Variants in SLC23A1 observed in about 807,000 individuals in gnomAD.
The protein encoded by SLC23A1 is Na(+)/L-ascorbic acid transporter 1.
A neutral mutation model predicts 62.5 loss-of-function variants in SLC23A1; 31 were observed. That is an observed-to-expected ratio of 0.50 (90% CI 0.37 to 0.67). The LOEUF (loss-of-function observed/expected upper bound fraction) is 0.67. Ranked by LOEUF, SLC23A1 falls within the 30% of genes least tolerant of loss-of-function variation. The pLI, the probability that SLC23A1 is intolerant of heterozygous loss-of-function variation, is 0.00. For missense variants in SLC23A1, 640 were observed against 782.7 expected, an observed-to-expected ratio of 0.82 and a Z score of 2.18; for synonymous variants, 271 against 313.2, an observed-to-expected ratio of 0.87 and a Z score of 1.42.
chr5:139,372,035 C>T lies in SLC23A1; in HGVS notation c.1768G>A (p.Glu590Lys), dbSNP rs1435270827. ...AIPEDTPENT[E>K]TASVCTKV ...ACCTTGGTGCACACAGATGCAGTTT[C>T]TGTATTTTCTGGAGTGTCTTCTGGA... Residue 590 changes from glutamate (E) to lysine (K), a missense_variant, in exon 14 of 15, where the codon GAA (glutamate) becomes AAA (lysine). Coordinates refer to ENST00000348729, the MANE Select transcript of SLC23A1 (RefSeq NM_005847.5). The T allele has an allele frequency of 6.2e-7, 1 of 1,613,844 alleles. No individual in the cohort carries two copies. The highest frequency in any genetic ancestry group is 1.1e-5 in the South Asian group (1 of 91,074).
upstream of SLC23A1, chr5:139,384,570 C>G (rs569763735): frequency 4.2e-5 from 54 of 1,284,168 alleles, no homozygotes; most frequent in East Asian, 2.9e-3. Context: ...TCTGCAACTC[C>G]CCAGCACTTT....
intron 14 of SLC23A1, chr5:139,368,797 G>T (rs772360139): frequency 6.2e-7 from 1 of 1,607,600 alleles, no homozygotes; most frequent in South Asian, 1.1e-5. Flanking sequence ...GGAAATATTT[G>T]AGTAGACGGG....
intron 13 of SLC23A1, among the ~76,000 whole-genome samples, chr5:139,374,087 A>T (rs1365101785): frequency 6.6e-6 from 1 of 152,128 alleles, no homozygotes; most frequent in Non-Finnish European, 1.5e-5. Context: ...TGCTTGCTTA[A>T]ATCTAGTTTT....
intron 13 of SLC23A1, among the ~76,000 whole-genome samples, chr5:139,375,857 G>T (rs1463205301): frequency 2.0e-5 from 3 of 150,280 alleles, no homozygotes; most frequent in Non-Finnish European, 4.4e-5. Flanking sequence ...ATTGAGGACA[G>T]GTGTGGTGGC....
At chr5:139,383,318 G>A (rs930267559), upstream of SLC23A1, 12 of 1,592,868 alleles carry the variant, frequency 7.5e-6, no homozygotes, top group Middle Eastern at 1.7e-4. Context: ...AGGCCAAGGA[G>A]GAGGACTTTA....
rs1440572951 is a variant in SLC23A1, at chr5:139,381,891, C to T, written c.308+1G>A. ...ACGGGTTGGGGGGCTGGGCGGCTCACCGGATGCCCACGGTGGTCTGGATGA... is the reference window on the plus strand; with the variant it reads ...ACGGGTTGGGGGGCTGGGCGGCTCATCGGATGCCCACGGTGGTCTGGATGA... On this transcript the variant is annotated splice_donor_variant, in intron 3 of 14. Coordinates refer to ENST00000348729, the MANE Select transcript of SLC23A1 (RefSeq NM_005847.5). LOFTEE classifies it high-confidence loss of function. The T allele has an allele frequency of 6.4e-7, 1 of 1,554,210 alleles. No homozygotes were observed. The highest frequency in any genetic ancestry group is 8.7e-7 in the Non-Finnish European group (1 of 1,149,540).
At chr5:139,368,778 G>A (rs904036323) in intron 14 of SLC23A1, 16 of 1,613,076 alleles carry the variant, frequency 9.9e-6, no homozygotes, top group African/African-American at 1.3e-5. Flanking sequence ...TGTTCCTGGG[G>A]TGAAGTACGG....
In SLC23A1 at chr5:139,372,061, A is replaced by G. The variant is rs1327281767; in HGVS notation, c.1742T>C (p.Ile581Thr). The change falls in exon 14 of 15, where the codon ATT (isoleucine) becomes ACT (threonine). Residue 581 changes from isoleucine to threonine, a missense_variant. By Grantham distance (89) the Ile-to-Thr change is moderately conservative (BLOSUM62 -1). Coordinates refer to ENST00000348729, the MANE Select transcript of SLC23A1 (RefSeq NM_005847.5). ...TGTATTTTCTGGAGTGTCTTCTGGA[A>G]TTGCAATCTGATCTTTTGAACTTGA... ...FSSSSKDQIA[I>T]PEDTPENTET... The G allele has an allele frequency of 6.2e-7, 1 of 1,612,860 alleles. No individual in the cohort carries two copies. The highest frequency in any genetic ancestry group is 1.3e-5 in the African/African-American group (1 of 75,018).
chr5:139,379,694 G>A lies in SLC23A1; in HGVS notation c.909C>T (p.Ile303=), dbSNP rs1488770674. Residue 303 remains isoleucine (I), a synonymous_variant, in exon 8 of 15, where the codon ATC becomes ATT. Coordinates refer to ENST00000348729, the MANE Select transcript of SLC23A1 (RefSeq NM_005847.5). This position sits in a 1 kb window ranked among gnomAD's most constrained non-coding sequence, Gnocchi z 4.7. ...RGDIMAIAPW[I]RIPYPCQWGL... ...GTTGCTCACAGGGGTAGGGGATGCGGATCCAGGGTGCAATAGCCATGATGT... is the reference window on the plus strand; with the variant it reads ...GTTGCTCACAGGGGTAGGGGATGCGAATCCAGGGTGCAATAGCCATGATGT... The A allele has an allele frequency of 2.5e-6, 4 of 1,613,554 alleles. No homozygotes were observed. Among genetic ancestry groups the A allele is most frequent in the Non-Finnish European group, 1.7e-6 (2 of 1,179,788 alleles).
Position 139,378,158 on chromosome 5 carries a change from G to C in SLC23A1, c.1310-40C>G, listed in dbSNP as rs779781204. The C allele has an allele frequency of 6.2e-7, 1 of 1,613,564 alleles. No individual in the cohort carries two copies. Among genetic ancestry groups the C allele is most frequent in the Non-Finnish European group, 8.5e-7 (1 of 1,179,844 alleles). On this transcript the variant is annotated intron_variant, in intron 11 of 14. Transcript: ENST00000348729. This position sits in a 1 kb window ranked among gnomAD's most constrained non-coding sequence, Gnocchi z 4.5. Reference sequence around the variant, plus strand: ...GAACGGCTGGAGGCGCCGCACACGCGTAATCCAGGTGAGTCCCACTCGGCG... The same window carrying C: ...GAACGGCTGGAGGCGCCGCACACGCCTAATCCAGGTGAGTCCCACTCGGCG...
rs1389684301 is a variant in SLC23A1 at position 139,378,327 on chromosome 5, A to G, written c.1204T>C (p.Tyr402His). 1 of 1,577,530 alleles carries G rather than the reference A, an allele frequency of 6.3e-7. No homozygotes were observed. The highest frequency in any genetic ancestry group is 1.2e-5 in the South Asian group (1 of 86,614). The change falls in exon 11 of 15, where the codon TAT becomes CAT. Residue 402 changes from tyrosine (Y) to histidine (H), a missense_variant. Physicochemically the swap from Tyr to His is moderately conservative, Grantham distance 83 (BLOSUM62 2). Coordinates refer to ENST00000348729, the MANE Select transcript of SLC23A1 (RefSeq NM_005847.5). The surrounding 1 kb of genome is among the most constrained non-coding windows in gnomAD (Gnocchi z 4.5). ...TKVGSRRVVQ[Y>H]GAAIMLVLGT... is the part of the protein sequence containing the mutation. ...AGGACCAGCATGATAGCCGCACCAT[A>G]CTGCACCACGCGCCGGCTGCCCACC...
At chr5:139,377,321 A>G (rs1561975757) in intron 13 of SLC23A1, 81 bp downstream of exon 13, 1 of 808,746 alleles carries the variant, frequency 1.2e-6, no homozygotes, top group Non-Finnish European at 2.2e-6. Flanking sequence ...ACCTAACCAC[A>G]CAGCTCCAGC....
chr5:139,384,389 G>C, upstream of SLC23A1: 1 of 1,289,384 alleles, frequency 7.8e-7, no homozygotes, highest in Non-Finnish European at 1.0e-6. Context: ...GCCAGGCCCT[G>C]CCTGAAGGGC....
chr5:139,382,310 T>TC (rs34557273), intron 2 of SLC23A1, 182 bp downstream of exon 2: 1 of 595,292 alleles, frequency 1.7e-6, no homozygotes, highest in Admixed American at 3.0e-5. Context: ...AGCGTCACAC[T>TC]CCCCCAGGGA....
rs542780440 is a variant in SLC23A1 at position 139,368,341 on chromosome 5, TA to T, written c.*20-711del. The stretch of plus-strand genomic sequence containing the variant: ...GGTGACAGAGTGAGACTCCGTCTCA[TA>T]AAAAAAAAACTAAATAAATAAATAA... On this transcript the variant is annotated intron_variant, in intron 14 of 14. Transcript: ENST00000348729. 1.2e-4 allele frequency among the ~76,000 whole-genome samples: 17 copies of T among 141,360 alleles called. No individual in the cohort carries two copies. The South Asian group carries it at 1.8e-3, about 15-fold the overall frequency. 92.7% of individuals were successfully genotyped at this position (141,360 alleles called of 152,430 possible).
Position 139,378,073 on chromosome 5 carries a change from A to C in SLC23A1, c.1355T>G (p.Met452Arg). ...VGLSNLQFVD[M>R]NSSRNLFVLG... The stretch of plus-strand genomic sequence containing the variant: ...CACGAAGAGGTTGCGAGAGGAGTTC[A>C]TGTCCACAAATTGCAGGTTGGACAG... The change falls in exon 12 of 15, where the codon ATG becomes AGG. Residue 452 changes from methionine to arginine, a missense_variant. Coordinates refer to ENST00000348729, the MANE Select transcript of SLC23A1 (RefSeq NM_005847.5). This position sits in a 1 kb window ranked among gnomAD's most constrained non-coding sequence, Gnocchi z 4.5. 1 of 1,614,194 alleles carries C rather than the reference A, an allele frequency of 6.2e-7. No individual in the cohort carries two copies. The highest frequency in any genetic ancestry group is 8.5e-7 in the Non-Finnish European group (1 of 1,180,020).
chr5:139,368,475 G>T (rs1156741454), intron 14 of SLC23A1, among the ~76,000 whole-genome samples: 1 of 152,240 alleles, frequency 6.6e-6, no homozygotes, highest in Non-Finnish European at 1.5e-5. Flanking sequence ...GTTGCAGTAA[G>T]CCTAGATTGT....
chr5:139,376,649 C>T (rs1160992160), intron 13 of SLC23A1, among the ~76,000 whole-genome samples: 5 of 152,228 alleles, frequency 3.3e-5, no homozygotes, highest in African/African-American at 1.2e-4. Context: ...AAGTATCCTC[C>T]ACGATCTTTG....
At chr5:139,371,491 G>A (rs985420013) in intron 14 of SLC23A1, among the ~76,000 whole-genome samples, 1 of 152,172 alleles carries the variant, frequency 6.6e-6, no homozygotes, top group African/African-American at 2.4e-5. Context: ...TACAGGCATC[G>A]TTTTAGGATA....
Sources: gnomAD v4.1 joint callset for allele counts (sites outside exome capture counted in the v4.1 genomes callset) on GRCh38, gnomAD v4.1.1 for gene constraint, Gnocchi (gnomAD v3.1) non-coding constraint, MANE v1.5 for transcripts, NCBI Gene and HGNC (gene_info 2026-07-23, HGNC 2026-07-21) for gene names.